The following C12orf43 variants were observed in gnomAD, a reference collection of about 807,000 sequenced individuals.
C12orf43 encodes chromosome 12 open reading frame 43.
In C12orf43, 15 loss-of-function variants were observed where a neutral mutation model predicts 20.6. The observed-to-expected ratio is 0.73, with a 90% CI of 0.49 to 1.12. The LOEUF (loss-of-function observed/expected upper bound fraction) is 1.12, where lower values mean the gene tolerates loss of function less well. C12orf43 is among the 50% of genes most tolerant of loss of function. The pLI, the probability that C12orf43 is intolerant of heterozygous loss-of-function variation, is 0.00. For missense variants in C12orf43, 334 were observed against 344.4 expected, an observed-to-expected ratio of 0.97 and a Z score of 0.24; for synonymous variants, 144 against 130.8, an observed-to-expected ratio of 1.10 and a Z score of -0.69.
chr12:121,015,981 G>A (rs576208160), intron 1 of C12orf43, among the ~76,000 whole-genome samples: 3 of 152,294 alleles, frequency 2.0e-5, no homozygotes, highest in Admixed American at 6.5e-5. Flanking sequence ...AACCTCCAGG[G>A]TGGGAGAATG....
rs889195969 is a variant in C12orf43 at position 121,005,656 on chromosome 12, C to T, written c.362-563G>A. On this transcript the variant is annotated intron_variant, in intron 4 of 5. Coordinates refer to ENST00000288757, the MANE Select transcript of C12orf43 (RefSeq NM_022895.3). The surrounding 1 kb of genome is among the most constrained non-coding windows in gnomAD (Gnocchi z 5.6). ...CGCAGATGGGCGAGGCTGTGGAGGG[C>T]AGCAGTAAAGTGCTCCTGCTCAGGG... is the stretch of plus-strand genomic sequence containing the variant. Among the ~76,000 whole-genome samples, 1 of 152,238 alleles carries T rather than the reference C, an allele frequency of 6.6e-6. No individual in the cohort carries two copies. The highest frequency in any genetic ancestry group is 1.5e-5 in the Non-Finnish European group (1 of 68,048).
In C12orf43 at chr12:121,011,123, T is replaced by G; in HGVS notation, c.169A>C (p.Thr57Pro). The G allele has an allele frequency of 6.2e-7, 1 of 1,613,858 alleles. No individual in the cohort carries two copies. Among genetic ancestry groups the G allele is most frequent in the Non-Finnish European group, 8.5e-7 (1 of 1,179,954 alleles). The change falls in exon 2 of 6, where the codon ACC becomes CCC. Residue 57 changes from threonine (T) to proline (P), a missense_variant. By Grantham distance (38) the Thr-to-Pro change is conservative. Transcript: ENST00000288757. ...TAGTACCTGAGGCTCGGTTGGGAGG[T>G]TGACAACTGGCTATTTGCAGCACCT... ...RAGAANSQLS[T>P]SQPSLRHKVN... is the part of the protein sequence containing the mutation.
At chr12:121,010,206 G>A (rs1469490408) in intron 3 of C12orf43, among the ~76,000 whole-genome samples, 1 of 152,246 alleles carries the variant, frequency 6.6e-6, no homozygotes, top group East Asian at 1.9e-4. Context: ...GGGAGGCTGA[G>A]GCATGAGAAT....
intron 1 of C12orf43, among the ~76,000 whole-genome samples, chr12:121,014,067 C>T (rs979920361): frequency 2.6e-5 from 4 of 152,146 alleles, no homozygotes; most frequent in African/African-American, 9.7e-5. Flanking sequence ...GTGGCTCATG[C>T]CTGTAATCTC....
chr12:121,001,577 T>G lies in C12orf43; in HGVS notation c.*2576A>C. ...CGCTACACCACTCTGGCAGCCACACTTCTCAGGACACAGGCCTGTGTAGCT... is the reference window on the plus strand; with the variant it reads ...CGCTACACCACTCTGGCAGCCACACGTCTCAGGACACAGGCCTGTGTAGCT... On this transcript the variant is annotated 3_prime_UTR_variant, in exon 6 of 6. Transcript: ENST00000288757. 1 of 439,902 alleles carries G rather than the reference T, an allele frequency of 2.3e-6. No individual in the cohort carries two copies. The highest frequency in any genetic ancestry group is 4.3e-6 in the Non-Finnish European group (1 of 231,644). The allele number at this position is 439,902 out of a possible 1,614,324, so 27.2% of individuals were successfully genotyped here. A position where few individuals can be genotyped will look rare whatever the true frequency, so the allele number is the denominator to read the frequency against.
At chr12:121,006,510 G>A (rs939023286) in intron 3 of C12orf43, 116 bp from the exon 4 acceptor site, 26 of 979,774 alleles carry the variant, frequency 2.7e-5, no homozygotes, top group African/African-American at 8.0e-5. Context: ...AAGCGAAAGC[G>A]TGCTGGCCTA....
Position 121,002,325 on chromosome 12 carries a change from C to T in C12orf43, c.*1828G>A, listed in dbSNP as rs1397994514. Reference sequence around the variant, plus strand: ...CAGGAGGGACAAAGGAGCCTGTGAACCCAGGACAAGCATGGTCCCACATCC... The same window carrying T: ...CAGGAGGGACAAAGGAGCCTGTGAATCCAGGACAAGCATGGTCCCACATCC... On this transcript the variant is annotated 3_prime_UTR_variant, in exon 6 of 6. Transcript: ENST00000288757. The T allele has an allele frequency of 2.2e-6, 1 of 452,870 alleles. No individual in the cohort carries two copies. Among genetic ancestry groups the T allele is most frequent in the Admixed American group, 3.2e-5 (1 of 31,066 alleles). The allele number at this position is 452,870 out of a possible 1,614,324, so 28.1% of individuals were successfully genotyped here.
At chr12:121,014,146 G>A (rs370993166) in intron 1 of C12orf43, among the ~76,000 whole-genome samples, 6 of 152,098 alleles carry the variant, frequency 3.9e-5, no homozygotes, top group East Asian at 1.9e-4. Context: ...TGGCCAACAC[G>A]GTGAAACCCT....
intron 1 of C12orf43, among the ~76,000 whole-genome samples, chr12:121,011,727 C>T (rs115525216): frequency 6.6e-6 from 1 of 152,226 alleles, no homozygotes; most frequent in African/African-American, 2.4e-5. Flanking sequence ...CTGTGCTGAA[C>T]AGGCAGGTCT....
chr12:121,008,745 T>C (rs1264270878), intron 3 of C12orf43, among the ~76,000 whole-genome samples: 2 of 152,252 alleles, frequency 1.3e-5, no homozygotes, highest in Non-Finnish European at 2.9e-5. Context: ...AAGGCTCATT[T>C]GTCCTTTTTG....
Position 121,005,165 on chromosome 12 carries a change from A to T in C12orf43, c.362-72T>A. On this transcript the variant is annotated intron_variant, in intron 4 of 5. Transcript: ENST00000288757. The surrounding 1 kb of genome is among the most constrained non-coding windows in gnomAD (Gnocchi z 5.6). ...AAGAAACATAAAAAAATAAAAAATA[A>T]AGAAACAAAAAAGAAAAAAATTTTA... is the stretch of plus-strand genomic sequence containing the variant. 1 of 876,576 alleles carries T rather than the reference A, an allele frequency of 1.1e-6. No individual in the cohort carries two copies. The highest frequency in any genetic ancestry group is 1.5e-6 in the Non-Finnish European group (1 of 649,396). 54.3% of individuals were successfully genotyped at this position (876,576 alleles called of 1,614,324 possible).
At chr12:121,012,268 G>A (rs1868442462) in intron 1 of C12orf43, among the ~76,000 whole-genome samples, 1 of 152,204 alleles carries the variant, frequency 6.6e-6, no homozygotes, top group Non-Finnish European at 1.5e-5. Context: ...GAACCAGCAA[G>A]GAGGTCAGTG....
chr12:121,016,395 C>G lies in C12orf43; in HGVS notation c.80G>C (p.Arg27Pro). 1 of 1,613,964 alleles carries G rather than the reference C, an allele frequency of 6.2e-7. No individual in the cohort carries two copies. The highest frequency in any genetic ancestry group is 1.1e-5 in the South Asian group (1 of 91,088). Residue 27 changes from arginine (R) to proline (P), a missense_variant, in exon 1 of 6, where the codon CGC becomes CCC. Coordinates refer to ENST00000288757, the MANE Select transcript of C12orf43 (RefSeq NM_022895.3). ...SSDAEELERC[R>P]EAAMPAWGLE... ...GCCCCAAGCCGGCATTGCCGCCTCG[C>G]GGCACCGCTCCAGCTCCTCCGCATC...
At chr12:121,009,884 T>C (rs1299959762) in intron 3 of C12orf43, among the ~76,000 whole-genome samples, 3 of 152,226 alleles carry the variant, frequency 2.0e-5, no homozygotes, top group African/African-American at 7.2e-5. Context: ...CCTGGCACAG[T>C]GTCTAGCATA....
At chr12:121,009,909 G>T (rs1381889471) in intron 3 of C12orf43, among the ~76,000 whole-genome samples, 1 of 152,224 alleles carries the variant, frequency 6.6e-6, no homozygotes, top group African/African-American at 2.4e-5. Flanking sequence ...AGGCACCCAA[G>T]AAATAGGAAC....
Position 121,005,471 on chromosome 12 carries a change from G to A in C12orf43, c.362-378C>T, listed in dbSNP as rs1347651113. ...TACAAAGTGATTCTGCATCTGCCAA[G>A]GGTCATGCTGATGCCTGATGGAGCC... On this transcript the variant is annotated intron_variant, in intron 4 of 5. Coordinates refer to ENST00000288757, the MANE Select transcript of C12orf43 (RefSeq NM_022895.3). This position sits in a 1 kb window ranked among gnomAD's most constrained non-coding sequence, Gnocchi z 5.6. 6.6e-6 allele frequency among the ~76,000 whole-genome samples: 1 copy of A among 152,204 alleles called. No homozygotes were observed. Among genetic ancestry groups the A allele is most frequent in the Non-Finnish European group, 1.5e-5 (1 of 68,038 alleles).
In C12orf43 at chr12:121,002,147, C is replaced by G. The variant is rs1224408732; in HGVS notation, c.*2006G>C. ...CGAGCAGCTGAGCAGGGCCGGGGAA[C>G]TGGCCAAGCTGAGGTGCCCAGGAGA... is the stretch of plus-strand genomic sequence containing the variant. On this transcript the variant is annotated 3_prime_UTR_variant, in exon 6 of 6. Transcript: ENST00000288757. The G allele has an allele frequency of 2.0e-6, 1 of 509,352 alleles. No individual in the cohort carries two copies. Among genetic ancestry groups the G allele is most frequent in the Non-Finnish European group, 3.8e-6 (1 of 263,654 alleles). 31.6% of individuals were successfully genotyped at this position (509,352 alleles called of 1,614,324 possible).
intron 3 of C12orf43, among the ~76,000 whole-genome samples, chr12:121,008,621 C>T (rs978908810): frequency 5.9e-5 from 9 of 152,250 alleles, no homozygotes; most frequent in Non-Finnish European, 1.3e-4. Flanking sequence ...AATGCAGCTG[C>T]CTTCCTAAAC....
At position 121,004,075 on chromosome 12, in the gene C12orf43, C is replaced by G; in HGVS notation, c.*78G>C. ...CTTGAACTTGGAGAGGGAGGTGGGG[C>G]TTGGAAATGCCTTGTCCCCAGGGTG... On this transcript the variant is annotated 3_prime_UTR_variant, in exon 6 of 6. Coordinates refer to ENST00000288757, the MANE Select transcript of C12orf43 (RefSeq NM_022895.3). The surrounding 1 kb of genome is among the most constrained non-coding windows in gnomAD (Gnocchi z 5.6). 6.7e-7 allele frequency: 1 copy of G among 1,484,946 alleles called. No homozygotes were observed. Among genetic ancestry groups the G allele is most frequent in the Non-Finnish European group, 9.4e-7 (1 of 1,063,750 alleles). The allele number at this position is 1,484,946 out of a possible 1,614,324, so 92.0% of individuals were successfully genotyped here.
Sources: gnomAD v4.1 joint callset for allele counts (sites outside exome capture counted in the v4.1 genomes callset) on GRCh38, gnomAD v4.1.1 for gene constraint, Gnocchi (gnomAD v3.1) non-coding constraint, MANE v1.5 for transcripts, NCBI Gene and HGNC (gene_info 2026-07-23, HGNC 2026-07-21) for gene names.